The following LEPROTL1 variants were observed in gnomAD, a reference collection of about 807,000 sequenced individuals.
The protein encoded by LEPROTL1 is leptin receptor overlapping transcript like 1.
In LEPROTL1, 6 loss-of-function variants were observed where a neutral mutation model predicts 15.4. The ratio of observed to expected loss-of-function variants is 0.39; its 90% CI spans 0.21 to 0.77. The LOEUF is 0.77. Ranked by LOEUF, LEPROTL1 falls within the 30% of genes least tolerant of loss-of-function variation. The probability of loss-of-function intolerance (pLI) is 0.41; values close to 1 mark genes in which losing one functional copy is unlikely to be tolerated. For synonymous variants in LEPROTL1, 56 were observed against 52.6 expected (o/e 1.06, Z -0.28); for missense variants, 128 against 158.1 (o/e 0.81, Z 1.02).
intron 4 of LEPROTL1, among the ~76,000 whole-genome samples, chr8:30,134,795 G>C (rs745406663): frequency 6.6e-6 from 1 of 152,120 alleles, no homozygotes; most frequent in South Asian, 2.1e-4. Context: ...AGATCTGCCC[G>C]CCTCGGCCTC....
rs371805932 is a variant in LEPROTL1 at position 30,105,753 on chromosome 8, G to A, written c.287G>A (p.Trp96Ter). The change falls in exon 4 of 4, where the codon TGG becomes TAG. Residue 96 changes from tryptophan to a stop codon, truncating the protein, a stop_gained. Coordinates refer to ENST00000321250, the MANE Select transcript of LEPROTL1 (RefSeq NM_015344.3). LOFTEE classifies it high-confidence loss of function. Reference sequence around the variant, plus strand: ...TGTATCTTATTTCCATAGATTGAGTGGGGAGCTTGTGCACTTGTTCTCACA... The same window carrying A: ...TGTATCTTATTTCCATAGATTGAGTAGGGAGCTTGTGCACTTGTTCTCACA... The part of the protein sequence containing the change: ...IVFARAHLIE[W>*]GACALVLTGN... 6.3e-7 allele frequency: 1 copy of A among 1,593,374 alleles called. No homozygotes were observed. The highest frequency in any genetic ancestry group is 1.4e-5 in the African/African-American group (1 of 73,242).
chr8:30,109,038 G>A (rs1464377810), downstream of LEPROTL1, among the ~76,000 whole-genome samples: 5 of 25,864 alleles, frequency 1.9e-4, no homozygotes, highest in African/African-American at 5.4e-4. Context: ...CCACCCCCCC[G>A]CCCCGAAAAA....
rs952600627 is a variant in LEPROTL1, at chr8:30,122,529, G to A, written c.280-9846G>A. ...GGGAGGGCCAGGCATGGTGGCTCAC[G>A]CCTGTAATCCCAACACTTTGGGAGG... On this transcript the variant is annotated intron_variant, in intron 3 of 4. Transcript: ENST00000442880. 2.0e-5 allele frequency among the ~76,000 whole-genome samples: 3 copies of A among 152,016 alleles called. No homozygotes were observed. In the South Asian group the frequency reaches 6.2e-4, roughly 32 times the overall value.
rs769283444 is a variant in LEPROTL1, at chr8:30,102,283, A to AT, written c.92+313dup. ...TATTGATAATACTAATTACAAGAAA[A>AT]TTTAAAATGTCTTTTTGCAAAAAAA... is the stretch of plus-strand genomic sequence containing the variant. On this transcript the variant is annotated intron_variant, in intron 2 of 3. Coordinates refer to ENST00000321250, the MANE Select transcript of LEPROTL1 (RefSeq NM_015344.3). Among the ~76,000 whole-genome samples the AT allele has an allele frequency of 1.9e-4, 29 of 152,028 alleles. 2 individuals are homozygous for AT. Among genetic ancestry groups the AT allele is most frequent in the Admixed American group, 1.2e-3 (19 of 15,232 alleles).
intron 3 of LEPROTL1, among the ~76,000 whole-genome samples, chr8:30,119,170 T>A (rs1802788366): frequency 6.6e-6 from 1 of 152,196 alleles, no homozygotes. Flanking sequence ...CCTGTAAACA[T>A]TTTTTTAACA....
chr8:30,095,659 C>CCCCCG (rs1338555354), intron 1 of LEPROTL1, 131 bp downstream of exon 1: 24 of 780,002 alleles, frequency 3.1e-5, no homozygotes, highest in Non-Finnish European at 4.2e-5. Flanking sequence ...GGGGAAGCGA[C>CCCCCG]CCCCGCCCCG....
At chr8:30,137,446 A>G in exon 5 of LEPROTL1, 1 of 1,551,726 alleles carries the variant, frequency 6.4e-7, no homozygotes, top group Non-Finnish European at 8.7e-7. Context: ...ACTTCTGGGC[A>G]GGCCTGCTCT....
chr8:30,106,792 G>C lies in LEPROTL1; in HGVS notation c.*930G>C. 1 of 984,496 alleles carries C rather than the reference G, an allele frequency of 1.0e-6. No homozygotes were observed. The highest frequency in any genetic ancestry group is 1.2e-6 in the Non-Finnish European group (1 of 828,744). The allele number at this position is 984,496 out of a possible 1,614,324, so 61.0% of individuals were successfully genotyped here. A position where few individuals can be genotyped will look rare whatever the true frequency, so the allele number is the denominator to read the frequency against. On this transcript the variant is annotated 3_prime_UTR_variant, in exon 4 of 4. Coordinates refer to ENST00000321250, the MANE Select transcript of LEPROTL1 (RefSeq NM_015344.3). ...ACTGATGAGGGACAGTTGTATGTTT[G>C]CATCATATATGCCAGAAAACCTTCC...
chr8:30,096,136 G>C (rs1053458605), intron 1 of LEPROTL1: 10 of 289,034 alleles, frequency 3.5e-5, no homozygotes, highest in Non-Finnish European at 4.6e-5. Context: ...AGTGCTCCTG[G>C]CTCTCTTCCC....
chr8:30,095,752 T>C, intron 1 of LEPROTL1: 2 of 694,348 alleles, frequency 2.9e-6, no homozygotes, highest in Non-Finnish European at 5.2e-6. Context: ...CAGCCCCCAC[T>C]TTCTGCCGAT....
intron 3 of LEPROTL1, chr8:30,131,775 T>C: frequency 1.4e-6 from 1 of 737,708 alleles, no homozygotes; most frequent in Non-Finnish European, 2.1e-6. Flanking sequence ...CAGAATAGCT[T>C]GCTAAAGTAG....
At chr8:30,103,049 A>G (rs1802498870) in intron 2 of LEPROTL1, among the ~76,000 whole-genome samples, 1 of 152,112 alleles carries the variant, frequency 6.6e-6, no homozygotes, top group African/African-American at 2.4e-5. Flanking sequence ...ATGTTCAAGC[A>G]GCCTTGTTTA....
At chr8:30,126,715 T>C (rs770681446) in intron 3 of LEPROTL1, among the ~76,000 whole-genome samples, 2 of 152,188 alleles carry the variant, frequency 1.3e-5, no homozygotes, top group Admixed American at 6.5e-5. Context: ...GCTTAGTAGC[T>C]GCTATGATTC....
intron 4 of LEPROTL1, chr8:30,132,856 G>T: frequency 5.2e-6 from 8 of 1,550,326 alleles, no homozygotes; most frequent in Non-Finnish European, 6.1e-6. Flanking sequence ...CAGAGAGAGG[G>T]ACGTGACCCT....
intron 1 of LEPROTL1, among the ~76,000 whole-genome samples, chr8:30,099,437 CAA>C (rs1379040016): frequency 2.3e-5 from 3 of 131,780 alleles, no homozygotes; most frequent in Non-Finnish European, 3.3e-5. Flanking sequence ...ACTAAAAATA[CAA>C]AAAAAAAAAA....
At chr8:30,104,813 C>T (rs1184666294) in intron 3 of LEPROTL1, 6 of 165,716 alleles carry the variant, frequency 3.6e-5, no homozygotes, top group Admixed American at 6.5e-5. Context: ...CCCGGGTTCA[C>T]GCCATTCTCC....
At position 30,135,037 on chromosome 8, in the gene LEPROTL1, G is replaced by A. The variant is rs76997529; in HGVS notation, c.395-2235G>A. On this transcript the variant is annotated intron_variant, in intron 4 of 4. Coordinates refer to the LEPROTL1 transcript ENST00000442880. ...TGGAACTTCAGACATGCGCTACCAC[G>A]CCTAGTTAATTTTTGTGGGTTTTTT... is the stretch of plus-strand genomic sequence containing the variant. Among the ~76,000 whole-genome samples, 555 of 142,146 alleles carry A rather than the reference G, an allele frequency of 3.9e-3. 2 individuals are homozygous for A. The highest frequency in any genetic ancestry group is 0.014 in the African/African-American group (531 of 38,536). The allele number at this position is 142,146 out of a possible 152,430, so 93.3% of individuals were successfully genotyped here. A position where few individuals can be genotyped will look rare whatever the true frequency, so the allele number is the denominator to read the frequency against.
intron 2 of LEPROTL1, among the ~76,000 whole-genome samples, chr8:30,103,147 A>G (rs1210759858): frequency 6.6e-6 from 1 of 152,232 alleles, no homozygotes; most frequent in Non-Finnish European, 1.5e-5. Context: ...ATGTCCTTCA[A>G]AAGAAAAATG....
chr8:30,096,368 T>TA (rs1174872802), intron 1 of LEPROTL1: 2 of 985,252 alleles, frequency 2.0e-6, no homozygotes, highest in African/African-American at 1.7e-5. Context: ...CTTAACTAAT[T>TA]ACATTGATTT....
Sources: gnomAD v4.1 joint callset for allele counts (sites outside exome capture counted in the v4.1 genomes callset) on GRCh38, gnomAD v4.1.1 for gene constraint, MANE v1.5 for transcripts, NCBI Gene and HGNC (gene_info 2026-07-23, HGNC 2026-07-21) for gene names.